KIF15: variants seen among roughly 807,000 people sequenced by gnomAD.
KIF15 encodes kinesin-like protein KIF15.
A neutral mutation model predicts 190.6 loss-of-function variants in KIF15; 140 were observed. The ratio of observed to expected loss-of-function variants is 0.73; its 90% CI spans 0.64 to 0.84. KIF15 has a LOEUF of 0.84. KIF15 is among the 40% of genes least tolerant of loss of function. The pLI, the probability that KIF15 is intolerant of heterozygous loss-of-function variation, is 0.00. For missense variants in KIF15, 1,372 were observed against 1,584.4 expected (o/e 0.87, Z 2.28); for synonymous variants, 528 against 551.3 (o/e 0.96, Z 0.59).
At chr3:44,808,593 C>CTTTTTT (rs1244748184) in intron 16 of KIF15, among the ~76,000 whole-genome samples, 1 of 132,280 alleles carries the variant, frequency 7.6e-6, no homozygotes, top group Admixed American at 7.5e-5. Flanking sequence ...TATTGTTTTG[C>CTTTTTT]TTTTTTTTTT....
intron 6 of KIF15, among the ~76,000 whole-genome samples, chr3:44,858,891 G>T (rs1293902296): frequency 6.6e-6 from 1 of 152,246 alleles, no homozygotes; most frequent in Non-Finnish European, 1.5e-5. Flanking sequence ...CCGAAGCTCG[G>T]TGTCCGTGAC....
At chr3:44,791,415 C>T (rs1706691394) in intron 7 of KIF15, among the ~76,000 whole-genome samples, 1 of 152,056 alleles carries the variant, frequency 6.6e-6, no homozygotes, top group African/African-American at 2.4e-5. Flanking sequence ...CAACACTGTT[C>T]TTTTTAACAA....
chr3:44,845,848 A>G (rs1399622625), intron 30 of KIF15, among the ~76,000 whole-genome samples: 1 of 152,182 alleles, frequency 6.6e-6, no homozygotes, highest in East Asian at 1.9e-4. Context: ...AGCAACAGCC[A>G]TCTCCACCAA....
intron 6 of KIF15, among the ~76,000 whole-genome samples, chr3:44,859,402 T>G (rs1471466617): frequency 6.6e-6 from 1 of 152,146 alleles, no homozygotes; most frequent in Admixed American, 6.5e-5. Flanking sequence ...CGGTGGCTCA[T>G]GTCCGTAATC....
At chr3:44,776,831 A>C (rs1705912011) in intron 3 of KIF15, among the ~76,000 whole-genome samples, 3 of 152,186 alleles carry the variant, frequency 2.0e-5, no homozygotes, top group Admixed American at 6.5e-5. Flanking sequence ...AATTAAATCA[A>C]ATTTAAAATT....
At chr3:44,804,275 G>A (rs1707397402) in intron 14 of KIF15, among the ~76,000 whole-genome samples, 2 of 152,152 alleles carry the variant, frequency 1.3e-5, no homozygotes, top group Admixed American at 1.3e-4. Flanking sequence ...GATCTCATCA[G>A]TTTCTAAACA....
intron 3 of KIF15, among the ~76,000 whole-genome samples, chr3:44,777,517 C>T (rs1705949131): frequency 1.3e-5 from 2 of 152,024 alleles, no homozygotes. Flanking sequence ...CATGGTGAAA[C>T]CCCGTTTCTA....
downstream of KIF15, among the ~76,000 whole-genome samples, chr3:44,856,278 C>T (rs963521118): frequency 2.8e-4 from 42 of 152,128 alleles, no homozygotes; most frequent in Admixed American, 2.8e-3. Flanking sequence ...CAGTCCTGGG[C>T]AGGGGCAAAT....
intron 30 of KIF15, among the ~76,000 whole-genome samples, chr3:44,845,460 C>G (rs1698803932): frequency 6.6e-6 from 1 of 151,808 alleles, no homozygotes; most frequent in African/African-American, 2.4e-5. Flanking sequence ...AACCAATCTT[C>G]AATCAATTTT....
intron 20 of KIF15, among the ~76,000 whole-genome samples, chr3:44,820,905 C>T (rs1184438536): frequency 1.3e-5 from 2 of 152,138 alleles, no homozygotes; most frequent in Non-Finnish European, 1.5e-5. Flanking sequence ...CAGAGGGGCT[C>T]CTCACCTCCC....
intron 22 of KIF15, 31 bp from the exon 23 acceptor site, chr3:44,827,428 T>G (rs1256572469): frequency 2.7e-6 from 4 of 1,464,106 alleles, no homozygotes; most frequent in Non-Finnish European, 3.8e-6. Context: ...TTGAGTGAAG[T>G]CAGGGGTAAA....
intron 11 of KIF15, 39 bp from the exon 12 acceptor site, chr3:44,801,410 AT>A (rs751489817): frequency 1.3e-4 from 162 of 1,227,680 alleles, no homozygotes; most frequent in Admixed American, 2.1e-4. Context: ...TGTGATAAAT[AT>A]TTTTTTTCAT....
chr3:44,801,731 T>G (rs1042339536), intron 12 of KIF15, 34 bp from the exon 13 acceptor site: 1 of 1,345,288 alleles, frequency 7.4e-7, no homozygotes, highest in African/African-American at 1.5e-5. Context: ...TCAAATTATT[T>G]TTCATGTTTA....
rs1697787187 is a variant in KIF15 at position 44,828,284 on chromosome 3, C to G, written c.2927C>G (p.Ser976Cys). The G allele has an allele frequency of 1.9e-6, 3 of 1,610,452 alleles. No homozygotes were observed. Among genetic ancestry groups the G allele is most frequent in the East Asian group, 2.2e-5 (1 of 44,834 alleles). Residue 976 changes from serine to cysteine, a missense_variant, in exon 24 of 35, where the codon TCT becomes TGT. Ser to Cys is a moderately radical substitution (Grantham distance 112). Transcript: ENST00000326047. ...TEKVISSLEK[S>C]RDSDKKVVAD... Reference sequence around the variant, plus strand: ...AAAGTGATCAGTTCCCTGGAAAAGTCTAGAGATTCTGATAAGGTTGGTAGA... The same window carrying G: ...AAAGTGATCAGTTCCCTGGAAAAGTGTAGAGATTCTGATAAGGTTGGTAGA...
chr3:44,845,146 C>T (rs539234041), intron 30 of KIF15, among the ~76,000 whole-genome samples: 1 of 152,168 alleles, frequency 6.6e-6, no homozygotes, highest in Admixed American at 6.5e-5. Context: ...TCAGAAATAC[C>T]GTAAAGTACA....
At chr3:44,836,786 C>T (rs774123619) in intron 26 of KIF15, among the ~76,000 whole-genome samples, 10 of 152,298 alleles carry the variant, frequency 6.6e-5, no homozygotes, top group Non-Finnish European at 1.3e-4. Flanking sequence ...GTGCCATAGC[C>T]AAGATAGGAG....
chr3:44,845,278 G>A (rs1698791781), intron 30 of KIF15, among the ~76,000 whole-genome samples: 1 of 152,128 alleles, frequency 6.6e-6, no homozygotes, highest in African/African-American at 2.4e-5. Context: ...TGGTTTTGGT[G>A]GGAGTAACAA....
At position 44,830,044 on chromosome 3, in the gene KIF15, A is replaced by C. The variant is rs1302134940; in HGVS notation, c.3017A>C (p.Asp1006Ala). Reference sequence around the variant, plus strand: ...GTCTGTGAGAAAACAGAAACTATAGACACCCTGAAACAAGAACTGAAGGAC... The same window carrying C: ...GTCTGTGAGAAAACAGAAACTATAGCCACCCTGAAACAAGAACTGAAGGAC... ...TSVCEKTETI[D>A]TLKQELKDIN... is the part of the protein sequence containing the mutation. Residue 1006 changes from aspartate to alanine, a missense_variant, in exon 25 of 35, where the codon GAC becomes GCC. Physicochemically the swap from Asp to Ala is moderately radical, Grantham distance 126. Coordinates refer to ENST00000326047, the MANE Select transcript of KIF15 (RefSeq NM_020242.3). 14 of 1,591,342 alleles carry C rather than the reference A, an allele frequency of 8.8e-6. No homozygotes were observed. The highest frequency in any genetic ancestry group is 1.2e-5 in the Non-Finnish European group (14 of 1,170,582).
At chr3:44,809,941 C>T (rs980413562) in intron 16 of KIF15, among the ~76,000 whole-genome samples, 1 of 152,066 alleles carries the variant, frequency 6.6e-6, no homozygotes, top group Non-Finnish European at 1.5e-5. Flanking sequence ...GTGGTGTGTG[C>T]CTGTAGTCCC....
Sources: gnomAD v4.1 joint callset for allele counts (sites outside exome capture counted in the v4.1 genomes callset) on GRCh38, gnomAD v4.1.1 for gene constraint, MANE v1.5 for transcripts, NCBI Gene and HGNC (gene_info 2026-07-23, HGNC 2026-07-21) for gene names.